Variants in TGM3 observed in about 807,000 individuals in gnomAD.
TGM3 encodes the protein protein-glutamine gamma-glutamyltransferase E.
In TGM3, 52 loss-of-function variants were observed where a neutral mutation model predicts 73.8. The ratio of observed to expected loss-of-function variants is 0.70; its 90% CI spans 0.56 to 0.89. The LOEUF is 0.89. TGM3 is among the 40% of genes least tolerant of loss of function. TGM3 has a pLI of 0.00. For missense variants in TGM3, 928 were observed against 909.9 expected, an observed-to-expected ratio of 1.02 and a Z score of -0.26; for synonymous variants, 372 against 354.9, an observed-to-expected ratio of 1.05 and a Z score of -0.54.
At chr20:2,306,304 T>C (rs2084176147) in intron 1 of TGM3, among the ~76,000 whole-genome samples, 2 of 152,156 alleles carry the variant, frequency 1.3e-5, no homozygotes, top group Non-Finnish European at 2.9e-5. Context: ...ATGAGCTTTA[T>C]CTGGAAAAGG....
chr20:2,318,572 T>C (rs2084247551), intron 7 of TGM3, among the ~76,000 whole-genome samples: 1 of 152,228 alleles, frequency 6.6e-6, no homozygotes. Flanking sequence ...ATGATGTCTA[T>C]ATCTGTAGAT....
intron 7 of TGM3, among the ~76,000 whole-genome samples, chr20:2,319,825 A>G (rs1440201880): frequency 6.6e-6 from 1 of 152,216 alleles, no homozygotes; most frequent in Non-Finnish European, 1.5e-5. Flanking sequence ...AGGGAGTCCC[A>G]AGCACTAGCT....
Position 2,303,755 on chromosome 20 carries a change from G to A in TGM3, c.8-5902G>A, listed in dbSNP as rs529259999. 5.3e-5 allele frequency among the ~76,000 whole-genome samples: 8 copies of A among 152,194 alleles called. No homozygotes were observed. The East Asian group carries it at 9.7e-4, about 18-fold the overall frequency. The stretch of plus-strand genomic sequence containing the variant: ...CGTTGGGATAGATATTTATCTGGCA[G>A]TCCACCACATTAGAATTGCTGCTGG... On this transcript the variant is annotated intron_variant, in intron 1 of 12. Coordinates refer to ENST00000381458, the MANE Select transcript of TGM3 (RefSeq NM_003245.4).
At position 2,300,393 on chromosome 20, in the gene TGM3, G is replaced by C. The variant is rs368898272; in HGVS notation, c.7+4323G>C. Among the ~76,000 whole-genome samples, 179 of 152,306 alleles carry C rather than the reference G, an allele frequency of 1.2e-3. 7 individuals carry two copies. In the South Asian group the frequency reaches 0.036, roughly 31 times the overall value. On this transcript the variant is annotated intron_variant, in intron 1 of 12. Coordinates refer to ENST00000381458, the MANE Select transcript of TGM3 (RefSeq NM_003245.4). Reference sequence around the variant, plus strand: ...GATTCTTCTGGGCAGCTGGGGTTGAGAGCCTCTGGTCTCAGAGATTCTAAA... The same window carrying C: ...GATTCTTCTGGGCAGCTGGGGTTGACAGCCTCTGGTCTCAGAGATTCTAAA...
chr20:2,310,018 A>T (rs2084194776), intron 2 of TGM3, among the ~76,000 whole-genome samples, 160 bp from the exon 3 acceptor site: 1 of 152,198 alleles, frequency 6.6e-6, no homozygotes, highest in Non-Finnish European at 1.5e-5. Context: ...TCCTCAAATC[A>T]AGAGGGATCT....
chr20:2,339,985 C>G lies in TGM3; in HGVS notation c.1932C>G (p.Ile644Met). 9 of 1,319,408 alleles carry G rather than the reference C, an allele frequency of 6.8e-6. No homozygotes were observed. Among genetic ancestry groups the G allele is most frequent in the Non-Finnish European group, 9.0e-6 (9 of 1,004,024 alleles). 81.7% of individuals were successfully genotyped at this position (1,319,408 alleles called of 1,614,324 possible). ...GSGLLLGNLKIDVPTLGPKEG... is the reference protein window; with the variant it reads ...GSGLLLGNLKMDVPTLGPKEG... ...GCCTGCTGTTGGGTAACCTGAAGATCGAGTGAGTCCTGGGCCTAAGTGGCC... is the reference window on the plus strand; with the variant it reads ...GCCTGCTGTTGGGTAACCTGAAGATGGAGTGAGTCCTGGGCCTAAGTGGCC... Residue 644 changes from isoleucine to methionine, a missense_variant and splice_region_variant, in exon 12 of 13, where the codon ATC becomes ATG. Physicochemically the swap from Ile to Met is conservative, Grantham distance 10. Coordinates refer to ENST00000381458, the MANE Select transcript of TGM3 (RefSeq NM_003245.4).
chr20:2,301,336 C>T (rs768054035), intron 1 of TGM3, among the ~76,000 whole-genome samples: 33 of 149,630 alleles, frequency 2.2e-4, no homozygotes, highest in Admixed American at 5.3e-4. Context: ...ATCTGAGACC[C>T]GGCTTCTGGG....
intron 7 of TGM3, among the ~76,000 whole-genome samples, chr20:2,320,119 A>G (rs542051232): frequency 7.2e-4 from 109 of 152,214 alleles, no homozygotes; most frequent in Non-Finnish European, 1.4e-3. Flanking sequence ...TTACTAAGCT[A>G]TTCTTATAAG....
At chr20:2,305,321 A>G (rs1170142416) in intron 1 of TGM3, among the ~76,000 whole-genome samples, 1 of 152,214 alleles carries the variant, frequency 6.6e-6, no homozygotes, top group African/African-American at 2.4e-5. Context: ...AGTACCAGTC[A>G]TCTCATTAGC....
rs1012601359 is a variant in TGM3, at chr20:2,334,895, C to T, written c.1643-221C>T. 6.6e-6 allele frequency among the ~76,000 whole-genome samples: 1 copy of T among 152,180 alleles called. No homozygotes were observed. The highest frequency in any genetic ancestry group is 1.5e-5 in the Non-Finnish European group (1 of 68,026). ...TGAGCCCATCCTCCTGGGAATCTGC[C>T]CAGCCAGAGAGAGTCCTGGGGCCTC... On this transcript the variant is annotated intron_variant, in intron 10 of 12. Transcript: ENST00000381458. This position sits in a 1 kb window ranked among gnomAD's most constrained non-coding sequence, Gnocchi z 4.0.
intron 10 of TGM3, 38 bp from the exon 11 acceptor site, chr20:2,335,078 A>C: frequency 6.2e-7 from 1 of 1,611,434 alleles, no homozygotes; most frequent in Non-Finnish European, 8.5e-7. Context: ...AGCCATCCCC[A>C]CTCCCCCTCA....
At chr20:2,304,649 C>T (rs2122212020) in intron 1 of TGM3, among the ~76,000 whole-genome samples, 1 of 152,208 alleles carries the variant, frequency 6.6e-6, no homozygotes, top group African/African-American at 2.4e-5. Context: ...ACCATTTTTT[C>T]TTCCAGACTA....
chr20:2,334,273 A>G lies in TGM3; in HGVS notation c.1643-843A>G, dbSNP rs1008405357. The stretch of plus-strand genomic sequence containing the variant: ...AACAAGAAGTGTGGAAGGTTCTTTT[A>G]AGGGACAGGTGATGCAGGGCCAGGT... On this transcript the variant is annotated intron_variant, in intron 10 of 12. Coordinates refer to ENST00000381458, the MANE Select transcript of TGM3 (RefSeq NM_003245.4). The surrounding 1 kb of genome is among the most constrained non-coding windows in gnomAD (Gnocchi z 4.0). Among the ~76,000 whole-genome samples the G allele has an allele frequency of 6.6e-6, 1 of 152,196 alleles. No homozygotes were observed. Among genetic ancestry groups the G allele is most frequent in the African/African-American group, 2.4e-5 (1 of 41,450 alleles).
intron 9 of TGM3, among the ~76,000 whole-genome samples, chr20:2,330,327 C>T (rs990083413): frequency 6.6e-6 from 1 of 152,238 alleles, no homozygotes; most frequent in Non-Finnish European, 1.5e-5. Flanking sequence ...TGCAAACACA[C>T]CTGCTTCAAG....
chr20:2,310,457 G>A lies in TGM3; in HGVS notation c.421+40G>A, dbSNP rs1303238805. ...ACCCACACTCTCAGCCCTGGCCTAAGCTAGAAAAGAAAAAGGGGATGGGGG... is the reference window on the plus strand; with the variant it reads ...ACCCACACTCTCAGCCCTGGCCTAAACTAGAAAAGAAAAAGGGGATGGGGG... On this transcript the variant is annotated intron_variant, in intron 3 of 12. Coordinates refer to ENST00000381458, the MANE Select transcript of TGM3 (RefSeq NM_003245.4). 1.0e-5 allele frequency: 16 copies of A among 1,601,212 alleles called. No individual in the cohort carries two copies. In the Admixed American group the frequency reaches 1.9e-4, roughly 19 times the overall value.
At chr20:2,303,455 G>C (rs888530375) in intron 1 of TGM3, among the ~76,000 whole-genome samples, 25 of 152,064 alleles carry the variant, frequency 1.6e-4, no homozygotes, top group African/African-American at 5.3e-4. Flanking sequence ...TGATGAAAAA[G>C]CTCTGCCACT....
chr20:2,310,479 G>A, intron 3 of TGM3, 62 bp downstream of exon 3: 1 of 1,586,842 alleles, frequency 6.3e-7, no homozygotes, highest in Non-Finnish European at 8.6e-7. Flanking sequence ...AAAGGGGATG[G>A]GGGAAATGAT....
Position 2,334,978 on chromosome 20 carries a change from C to T in TGM3, c.1643-138C>T. 9.1e-7 allele frequency: 1 copy of T among 1,100,836 alleles called. No individual in the cohort carries two copies. Among genetic ancestry groups the T allele is most frequent in the Non-Finnish European group, 1.3e-6 (1 of 761,752 alleles). The allele number at this position is 1,100,836 out of a possible 1,614,324, so 68.2% of individuals were successfully genotyped here. A position where few individuals can be genotyped will look rare whatever the true frequency, so the allele number is the denominator to read the frequency against. ...GGGGACGCTTCCCACAGGACCTGGC[C>T]CAAGGAGGGCTCAGTCAAGCCCGGG... On this transcript the variant is annotated intron_variant, in intron 10 of 12. Transcript: ENST00000381458. This position sits in a 1 kb window ranked among gnomAD's most constrained non-coding sequence, Gnocchi z 4.0.
chr20:2,335,023 G>C, intron 10 of TGM3, 93 bp from the exon 11 acceptor site: 1 of 1,501,666 alleles, frequency 6.7e-7, no homozygotes, highest in Non-Finnish European at 9.1e-7. Flanking sequence ...CCTCCCACCA[G>C]CTCACCCTGC....
Sources: gnomAD v4.1 joint callset for allele counts (sites outside exome capture counted in the v4.1 genomes callset) on GRCh38, gnomAD v4.1.1 for gene constraint, Gnocchi (gnomAD v3.1) non-coding constraint, MANE v1.5 for transcripts, NCBI Gene and HGNC (gene_info 2026-07-23, HGNC 2026-07-21) for gene names.